The following SEMA3D variants were observed in gnomAD, a reference collection of about 807,000 sequenced individuals.
SEMA3D encodes semaphorin 3D.
SEMA3D carries 84 observed loss-of-function variants against 100.1 expected under a neutral mutation model. The ratio of observed to expected loss-of-function variants is 0.84; its 90% CI spans 0.70 to 1.01. SEMA3D has a LOEUF of 1.01. Among genes scored for constraint, SEMA3D ranks in the 50% least tolerant of loss-of-function variants. SEMA3D has a pLI of 0.00. For missense variants in SEMA3D, 875 were observed against 934.1 expected (o/e 0.94, Z 0.82); for synonymous variants, 312 against 320.7 (o/e 0.97, Z 0.29).
At chr7:85,066,913 C>CATACACACAGAGAGAGAG in intron 7 of SEMA3D, among the ~76,000 whole-genome samples, 13 of 127,758 alleles carry the variant, frequency 1.0e-4, no homozygotes, top group African/African-American at 4.1e-4. Flanking sequence ...CACACACACA[C>CATACACACAGAGAGAGAG]AGAGAGAGAG....
intron 1 of SEMA3D, chr7:85,157,776 C>T (rs1417795334): frequency 1.3e-5 from 3 of 232,544 alleles, no homozygotes; most frequent in African/African-American, 7.0e-5. Context: ...TCGCCCAAAG[C>T]ACATGGATTA....
chr7:85,089,766 C>T (rs1788329204), intron 4 of SEMA3D, among the ~76,000 whole-genome samples: 1 of 152,038 alleles, frequency 6.6e-6, no homozygotes, highest in Non-Finnish European at 1.5e-5. Flanking sequence ...TGACAAGCAC[C>T]TGTAGTCCCA....
intron 11 of SEMA3D, among the ~76,000 whole-genome samples, chr7:85,039,660 A>C (rs898828589): frequency 4.6e-5 from 7 of 152,156 alleles, no homozygotes; most frequent in African/African-American, 1.4e-4. Flanking sequence ...AAAACATGAA[A>C]TTGTCTTCAC....
At chr7:85,144,564 C>A in intron 2 of SEMA3D, 1 of 985,016 alleles carries the variant, frequency 1.0e-6, no homozygotes. Context: ...TTCTCACAAC[C>A]ATCAGGATTT....
intron 3 of SEMA3D, among the ~76,000 whole-genome samples, chr7:85,116,319 T>C (rs887131799): frequency 6.8e-6 from 1 of 146,422 alleles, no homozygotes; most frequent in African/African-American, 2.5e-5. Flanking sequence ...TTTATATATA[T>C]TTATATAAAT....
chr7:85,135,847 ACTT>A, intron 2 of SEMA3D, among the ~76,000 whole-genome samples: 1 of 151,806 alleles, frequency 6.6e-6, no homozygotes, highest in South Asian at 2.1e-4. Context: ...TCACGTTTCT[ACTT>A]CTCCTTCTCT....
chr7:85,085,908 A>G (rs1583908354), intron 4 of SEMA3D, among the ~76,000 whole-genome samples: 1 of 152,198 alleles, frequency 6.6e-6, no homozygotes, highest in African/African-American at 2.4e-5. Context: ...GTTATTGCTT[A>G]TAAGTCACAT....
At chr7:85,240,957 C>A in the SEMA3D span, among the ~76,000 whole-genome samples, 5 of 151,862 alleles carry the variant, frequency 3.3e-5, no homozygotes, top group African/African-American at 1.2e-4. Context: ...AAGGAACTCA[C>A]AAAATTATCA....
At chr7:85,105,436 G>T (rs745813108) in intron 3 of SEMA3D, among the ~76,000 whole-genome samples, 1 of 151,930 alleles carries the variant, frequency 6.6e-6, no homozygotes, top group Admixed American at 6.6e-5. Context: ...ATGTGAAAAC[G>T]TTCTGTTTAT....
At chr7:85,003,309 G>A (rs561787122) in intron 18 of SEMA3D, among the ~76,000 whole-genome samples, 1 of 151,952 alleles carries the variant, frequency 6.6e-6, no homozygotes, top group South Asian at 2.1e-4. Flanking sequence ...ACTTACTAAA[G>A]GGGATGCTGG....
At position 85,020,218 on chromosome 7, in the gene SEMA3D, T is replaced by G. The variant is rs766919353; in HGVS notation, c.1503+15A>C. 1 of 1,575,954 alleles carries G rather than the reference T, an allele frequency of 6.3e-7. No homozygotes were observed. The highest frequency in any genetic ancestry group is 1.7e-5 in the Admixed American group (1 of 59,660). ...TTCAACATCTTTTCTCCTGGCACTC[T>G]GGACTGAGTCTTACCTTGAATATCT... On this transcript the variant is annotated intron_variant, in intron 14 of 18. Coordinates refer to ENST00000284136, the MANE Select transcript of SEMA3D (RefSeq NM_001384900.1).
At chr7:85,246,869 C>T in the SEMA3D span, among the ~76,000 whole-genome samples, 1 of 151,086 alleles carries the variant, frequency 6.6e-6, no homozygotes, top group Non-Finnish European at 1.5e-5. Flanking sequence ...ATTTTCTTGC[C>T]ACACAAAATG....
chr7:85,099,180 T>G (rs1788668117), intron 3 of SEMA3D, among the ~76,000 whole-genome samples: 2 of 151,990 alleles, frequency 1.3e-5, no homozygotes, highest in African/African-American at 4.8e-5. Flanking sequence ...TTTGGCTGTG[T>G]CCCCACCCAA....
At chr7:85,120,531 G>A (rs1222320500) in intron 3 of SEMA3D, among the ~76,000 whole-genome samples, 1 of 151,804 alleles carries the variant, frequency 6.6e-6, no homozygotes, top group African/African-American at 2.4e-5. Flanking sequence ...AACCAAGCAT[G>A]GTGGTGGGCA....
chr7:85,035,202 A>T (rs924476557), intron 12 of SEMA3D, among the ~76,000 whole-genome samples: 17 of 151,368 alleles, frequency 1.1e-4, no homozygotes, highest in Admixed American at 4.6e-4. Flanking sequence ...TGAGACTTGT[A>T]TCATATATAA....
At chr7:85,106,042 G>A (rs1021971287) in intron 3 of SEMA3D, among the ~76,000 whole-genome samples, 1 of 152,024 alleles carries the variant, frequency 6.6e-6, no homozygotes, top group Non-Finnish European at 1.5e-5. Flanking sequence ...TACTTTGAAT[G>A]AGTCCTTTTA....
rs568690539 is a variant in SEMA3D, at chr7:85,031,284, T to G, written c.1191+5605A>C. ...AATTCAATCTTAATAGCAATACAGATGCAGAAAATGTAAAAACAATTTTTT... is the reference window on the plus strand; with the variant it reads ...AATTCAATCTTAATAGCAATACAGAGGCAGAAAATGTAAAAACAATTTTTT... On this transcript the variant is annotated intron_variant, in intron 12 of 18. Transcript: ENST00000284136. Among the ~76,000 whole-genome samples, 31 of 152,108 alleles carry G rather than the reference T, an allele frequency of 2.0e-4. 1 individual carries two copies. The South Asian group carries it at 6.2e-3, about 30-fold the overall frequency.
intron 2 of SEMA3D, among the ~76,000 whole-genome samples, chr7:85,152,086 C>T (rs1223395374): frequency 6.6e-6 from 1 of 151,944 alleles, no homozygotes; most frequent in Non-Finnish European, 1.5e-5. Context: ...TTTATCTCTT[C>T]CTTGTCTTGT....
intron 3 of SEMA3D, among the ~76,000 whole-genome samples, chr7:85,119,520 A>G (rs1232423170): frequency 6.6e-6 from 1 of 152,162 alleles, no homozygotes; most frequent in Non-Finnish European, 1.5e-5. Flanking sequence ...AGGGGAAAAA[A>G]TACTGCATAC....
Sources: allele counts gnomAD v4.1 joint callset (sites outside exome capture counted in the v4.1 genomes callset), GRCh38; gene constraint gnomAD v4.1.1; transcripts MANE v1.5; gene names NCBI Gene and HGNC (gene_info 2026-07-23, HGNC 2026-07-21).